Variants in SRGAP3 observed in about 807,000 individuals in gnomAD.
SRGAP3 encodes the protein SLIT-ROBO Rho GTPase activating protein 3.
A neutral mutation model predicts 121.1 loss-of-function variants in SRGAP3; 39 were observed. The observed-to-expected ratio is 0.32, with a 90% CI of 0.25 to 0.42. The LOEUF (loss-of-function observed/expected upper bound fraction) is 0.42. SRGAP3 is among the 10% of genes least tolerant of loss of function. SRGAP3 has a pLI of 1.00. For synonymous variants in SRGAP3, 601 were observed against 570.0 expected, an observed-to-expected ratio of 1.05 and a Z score of -0.77; for missense variants, 1,213 against 1,470.6, an observed-to-expected ratio of 0.82 and a Z score of 2.86.
At chr3:9,316,058 A>AT (rs1014609438) in intron 3 of SRGAP3, among the ~76,000 whole-genome samples, 9 of 151,706 alleles carry the variant, frequency 5.9e-5, no homozygotes, top group South Asian at 4.2e-4. Flanking sequence ...TATTGTATTT[A>AT]TTTTTTTTGA....
intron 1 of SRGAP3, among the ~76,000 whole-genome samples, chr3:9,150,793 GCATTCATTCATTTATC>G (rs1402114221): frequency 2.0e-5 from 3 of 152,226 alleles, no homozygotes; most frequent in Non-Finnish European, 4.4e-5. Context: ...GTGTGTTGTG[GCATTCATTCATTTATC>G]CATTCATTCA....
intron 3 of SRGAP3, among the ~76,000 whole-genome samples, chr3:9,264,189 C>T (rs1954310777): frequency 6.6e-6 from 1 of 152,168 alleles, no homozygotes; most frequent in Non-Finnish European, 1.5e-5. Flanking sequence ...GCTAAAAACA[C>T]TCAATAAACT....
intron 9 of SRGAP3, among the ~76,000 whole-genome samples, chr3:9,048,273 C>T (rs532323375): frequency 6.6e-6 from 1 of 152,228 alleles, no homozygotes; most frequent in Admixed American, 6.5e-5. Context: ...CAGCTTCCCC[C>T]ACCTGCACTG....
chr3:9,170,383 C>T (rs532282222), intron 1 of SRGAP3, among the ~76,000 whole-genome samples: 2 of 152,270 alleles, frequency 1.3e-5, no homozygotes, highest in East Asian at 1.9e-4. Flanking sequence ...CACATGACAG[C>T]CTCGGAGTAG....
chr3:9,092,400 T>C (rs1947795312), intron 3 of SRGAP3, among the ~76,000 whole-genome samples: 1 of 152,204 alleles, frequency 6.6e-6, no homozygotes, highest in African/African-American at 2.4e-5. Flanking sequence ...ATAACAATAA[T>C]AGTTATTGTT....
At chr3:9,160,375 C>G (rs903951405) in intron 1 of SRGAP3, among the ~76,000 whole-genome samples, 1 of 152,128 alleles carries the variant, frequency 6.6e-6, no homozygotes, top group East Asian at 1.9e-4. Context: ...GTGGACTCCT[C>G]CTTATTTTTT....
chr3:9,332,308 C>T (rs916493255), intron 1 of SRGAP3, among the ~76,000 whole-genome samples: 2 of 152,094 alleles, frequency 1.3e-5, no homozygotes, highest in African/African-American at 4.8e-5. Context: ...TTAGTAGGGA[C>T]AGGGTTTCAC....
chr3:9,000,045 G>A (rs1442140413), intron 18 of SRGAP3, among the ~76,000 whole-genome samples: 1 of 152,192 alleles, frequency 6.6e-6, no homozygotes, highest in South Asian at 2.1e-4. Flanking sequence ...CTCCAAGCTT[G>A]GGGAGATGGA....
chr3:9,310,412 G>A (rs778171569), intron 3 of SRGAP3, among the ~76,000 whole-genome samples: 1 of 152,134 alleles, frequency 6.6e-6, no homozygotes, highest in Non-Finnish European at 1.5e-5. Flanking sequence ...AGCTGCAGAG[G>A]TGGATCTTGG....
rs372086642 is a variant in SRGAP3 at position 8,994,422 on chromosome 3, C to A, written c.2329G>T (p.Ala777Ser). ...KGASLLLYHR[A>S]SEDWWEGRHN... ...CGGCCCTCCCACCAGTCCTCCGAGG[C>A]GCGGTGGTACAGGAGCAGCGAGGCC... Residue 777 changes from alanine (A) to serine (S), a missense_variant, in exon 19 of 22, where the codon GCC becomes TCC. By Grantham distance (99) the Ala-to-Ser change is moderately conservative. This residue lies in a region of SRGAP3 where 793 missense variants were observed against 1,032.9 expected (regional missense o/e 0.77). Coordinates refer to ENST00000383836, the MANE Select transcript of SRGAP3 (RefSeq NM_014850.4). The A allele has an allele frequency of 6.2e-7, 1 of 1,614,238 alleles. No homozygotes were observed. The highest frequency in any genetic ancestry group is 8.5e-7 in the Non-Finnish European group (1 of 1,180,048).
Position 9,249,539 on chromosome 3 carries a change from T to A in SRGAP3, c.-588A>T, listed in dbSNP as rs1341395672. On this transcript the variant is annotated 5_prime_UTR_variant, in exon 1 of 22. Transcript: ENST00000383836. ...AGGGCCGGTCATCTCGCATCCTCCC[T>A]CCCTTCGGTGCCTCTGGTCTGATGT... 1.2e-5 allele frequency: 3 copies of A among 242,806 alleles called. No individual in the cohort carries two copies. The highest frequency in any genetic ancestry group is 2.4e-5 in the Non-Finnish European group (3 of 123,142). 15.0% of individuals were successfully genotyped at this position (242,806 alleles called of 1,614,324 possible). A position where few individuals can be genotyped will look rare whatever the true frequency, so the allele number is the denominator to read the frequency against.
intron 1 of SRGAP3, among the ~76,000 whole-genome samples, chr3:9,187,525 T>C (rs1145152): frequency 0.48 from 73,379 of 151,904 alleles, 17,959 homozygotes; most frequent in African/African-American, 0.53. Flanking sequence ...TCGAGCAGTC[T>C]TACCCAGCCC....
intron 1 of SRGAP3, among the ~76,000 whole-genome samples, chr3:9,351,252 G>T (rs1295488287): frequency 6.6e-6 from 1 of 152,090 alleles, no homozygotes; most frequent in Non-Finnish European, 1.5e-5. Flanking sequence ...GAGAAGAATT[G>T]TTGAAAAACC....
chr3:9,258,918 A>G (rs1015955469), intron 3 of SRGAP3, among the ~76,000 whole-genome samples: 2 of 152,272 alleles, frequency 1.3e-5, no homozygotes, highest in African/African-American at 4.8e-5. Context: ...ATCAGATCAT[A>G]ATAATTTCCC....
chr3:9,064,622 G>A, intron 4 of SRGAP3, 41 bp from the exon 5 acceptor site: 1 of 1,610,278 alleles, frequency 6.2e-7, no homozygotes, highest in Non-Finnish European at 8.5e-7. Context: ...GCCAGCTATG[G>A]CCCAGCACGG....
intron 3 of SRGAP3, among the ~76,000 whole-genome samples, chr3:9,258,577 A>G (rs571177835): frequency 6.6e-6 from 1 of 152,286 alleles, no homozygotes; most frequent in Non-Finnish European, 1.5e-5. Flanking sequence ...ATATTTTGAG[A>G]GACAAAGATG....
intron 18 of SRGAP3, among the ~76,000 whole-genome samples, chr3:9,000,093 C>A (rs926606227): frequency 1.3e-5 from 2 of 152,168 alleles, no homozygotes; most frequent in Admixed American, 6.5e-5. Flanking sequence ...GCACACAGGG[C>A]TTCCTCTCCC....
intron 1 of SRGAP3, among the ~76,000 whole-genome samples, chr3:9,356,210 T>TGTG (rs1231534314): frequency 4.3e-5 from 6 of 139,956 alleles, no homozygotes; most frequent in African/African-American, 1.4e-4. Context: ...TTTTTTTTTT[T>TGTG]TGAGACAGGA....
intron 18 of SRGAP3, among the ~76,000 whole-genome samples, chr3:9,008,542 G>A (rs567941310): frequency 6.6e-6 from 1 of 152,258 alleles, no homozygotes; most frequent in South Asian, 2.1e-4. Flanking sequence ...AGGACAGGGT[G>A]AGGGCTGTTA....
Sources: gnomAD v4.1 joint callset for allele counts (sites outside exome capture counted in the v4.1 genomes callset) on GRCh38, gnomAD v4.1.1 for gene constraint, gnomAD v4.1.1 regional missense constraint, MANE v1.5 for transcripts, NCBI Gene and HGNC (gene_info 2026-07-23, HGNC 2026-07-21) for gene names.